The following ADGRL3 variants were observed in gnomAD, a reference collection of about 807,000 sequenced individuals.
ADGRL3 encodes calcium-independent alpha-latrotoxin receptor 3.
In ADGRL3, 62 loss-of-function variants were observed where a neutral mutation model predicts 153.5. That is an observed-to-expected ratio of 0.40 (90% CI 0.33 to 0.50). The LOEUF is 0.50. ADGRL3 is among the 20% of genes least tolerant of loss of function. The pLI is 0.47. For synonymous variants in ADGRL3, 710 were observed against 672.5 expected (o/e 1.06, Z -0.86); for missense variants, 1,641 against 1,859.4 (o/e 0.88, Z 2.16).
chr4:61,560,207 G>A (rs1282155583), intron 4 of ADGRL3, among the ~76,000 whole-genome samples: 3 of 152,040 alleles, frequency 2.0e-5, no homozygotes, highest in East Asian at 3.9e-4. Context: ...GAAACTAGGG[G>A]AACTGCTGAG....
intron 18 of ADGRL3, 84 bp from the exon 19 acceptor site, chr4:61,983,299 G>A (rs1334980137): frequency 3.0e-6 from 3 of 1,015,654 alleles, no homozygotes; most frequent in Non-Finnish European, 4.4e-6. Flanking sequence ...TGCAGTTTTG[G>A]TAAATATTTA....
chr4:61,602,776 A>G (rs2099017112), intron 5 of ADGRL3, among the ~76,000 whole-genome samples: 1 of 152,222 alleles, frequency 6.6e-6, no homozygotes, highest in Admixed American at 6.5e-5. Context: ...CAGAACAATC[A>G]CAAAACAGTT....
At chr4:62,013,951 C>A (rs1269840731) in intron 21 of ADGRL3, among the ~76,000 whole-genome samples, 1 of 150,976 alleles carries the variant, frequency 6.6e-6, no homozygotes, top group Non-Finnish European at 1.5e-5. Flanking sequence ...TCAGCTACTT[C>A]AATATGTGTG....
rs1424870227 is a variant in ADGRL3, at chr4:61,694,175, CATTATTTTTTTTTTTTTTTTTT to C, written c.583+17241_583+17262del. On this transcript the variant is annotated intron_variant, in intron 6 of 26. Coordinates refer to ENST00000683033, the MANE Select transcript of ADGRL3 (RefSeq NM_001387552.1). ...GTCCTATACTATTTTAAAATTTTGT[CATTATTTTTTTTTTTTTTTTTT>C]TTTTTTTTTTTTTTTTTTTTTTAGA... Among the ~76,000 whole-genome samples the C allele has an allele frequency of 2.3e-4, 12 of 51,830 alleles. No homozygotes were observed. In the South Asian group the frequency reaches 3.7e-3, roughly 16 times the overall value. 34.0% of individuals were successfully genotyped at this position (51,830 alleles called of 152,430 possible).
chr4:61,838,432 T>C (rs2097970878), intron 9 of ADGRL3, among the ~76,000 whole-genome samples: 1 of 152,182 alleles, frequency 6.6e-6, no homozygotes, highest in African/African-American at 2.4e-5. Context: ...GCATTTGCCT[T>C]ATTTAGGATT....
intron 6 of ADGRL3, among the ~76,000 whole-genome samples, chr4:61,705,656 C>T (rs1025903601): frequency 6.6e-6 from 1 of 151,892 alleles, no homozygotes; most frequent in African/African-American, 2.4e-5. Context: ...CACCACCATG[C>T]CCAGCTAATT....
intron 21 of ADGRL3, among the ~76,000 whole-genome samples, chr4:62,019,408 G>T (rs533935783): frequency 6.6e-6 from 1 of 152,132 alleles, no homozygotes; most frequent in African/African-American, 2.4e-5. Flanking sequence ...TCCAATTGAT[G>T]TTAATTCTTA....
chr4:61,491,380 A>G (rs563991580), intron 2 of ADGRL3, among the ~76,000 whole-genome samples: 1 of 152,260 alleles, frequency 6.6e-6, no homozygotes, highest in South Asian at 2.1e-4. Flanking sequence ...TATATTTTCT[A>G]GTTTTACTAA....
chr4:61,891,782 CTG>C (rs1354712772), intron 9 of ADGRL3, among the ~76,000 whole-genome samples: 1 of 152,072 alleles, frequency 6.6e-6, no homozygotes, highest in African/African-American at 2.4e-5. Flanking sequence ...GGTATGCAGT[CTG>C]TGTACAGGAA....
chr4:61,494,294 A>G (rs1305168778), intron 2 of ADGRL3, among the ~76,000 whole-genome samples: 1 of 152,110 alleles, frequency 6.6e-6, no homozygotes, highest in East Asian at 1.9e-4. Flanking sequence ...GTGTATGTGT[A>G]TCTGTATGTG....
intron 1 of ADGRL3, among the ~76,000 whole-genome samples, chr4:61,261,852 A>G (rs2092546694): frequency 6.6e-6 from 1 of 152,142 alleles, no homozygotes. Flanking sequence ...CCATGAAAAG[A>G]GTGAGGATAA....
At chr4:62,047,438 G>A (rs898741732) in intron 25 of ADGRL3, among the ~76,000 whole-genome samples, 1 of 152,008 alleles carries the variant, frequency 6.6e-6, no homozygotes, top group African/African-American at 2.4e-5. Flanking sequence ...ATCATGCAGT[G>A]TAGAACTACT....
intron 2 of ADGRL3, among the ~76,000 whole-genome samples, chr4:61,455,270 C>T (rs1226604236): frequency 2.6e-5 from 4 of 151,996 alleles, no homozygotes; most frequent in Admixed American, 6.6e-5. Flanking sequence ...GGAATAGCAT[C>T]GAAGCAGTAT....
At chr4:62,067,784 C>G (rs1314587564) in intron 25 of ADGRL3, among the ~76,000 whole-genome samples, 2 of 151,982 alleles carry the variant, frequency 1.3e-5, no homozygotes, top group Admixed American at 1.3e-4. Flanking sequence ...CACGTATACT[C>G]TAACATACAC....
chr4:61,963,294 A>T (rs185060232), intron 17 of ADGRL3, among the ~76,000 whole-genome samples: 1 of 150,916 alleles, frequency 6.6e-6, no homozygotes. Context: ...CAGGGGATAC[A>T]TGTGCAGGTT....
chr4:61,838,053 A>G (rs2097963415), intron 9 of ADGRL3, among the ~76,000 whole-genome samples: 1 of 152,104 alleles, frequency 6.6e-6, no homozygotes, highest in Non-Finnish European at 1.5e-5. Context: ...GAGCAAAAAA[A>G]AGAAAGAGAA....
At chr4:61,241,405 A>G (rs1560378482) in intron 1 of ADGRL3, among the ~76,000 whole-genome samples, 1 of 152,070 alleles carries the variant, frequency 6.6e-6, no homozygotes, top group Non-Finnish European at 1.5e-5. Flanking sequence ...ATTGGGCACC[A>G]TGTAGATTCT....
intron 3 of ADGRL3, among the ~76,000 whole-genome samples, chr4:61,498,919 G>A (rs2098352147): frequency 1.3e-5 from 2 of 152,058 alleles, no homozygotes; most frequent in African/African-American, 4.8e-5. Context: ...AGATGAAAAT[G>A]TTGTAATATA....
intron 25 of ADGRL3, among the ~76,000 whole-genome samples, chr4:62,059,228 A>G (rs1211562413): frequency 1.3e-5 from 2 of 151,918 alleles, no homozygotes; most frequent in Non-Finnish European, 2.9e-5. Context: ...AGGTGGTTCA[A>G]ATGAGGGATA....
Sources: allele counts gnomAD v4.1 joint callset (sites outside exome capture counted in the v4.1 genomes callset), GRCh38; gene constraint gnomAD v4.1.1; transcripts MANE v1.5; gene names NCBI Gene and HGNC (gene_info 2026-07-23, HGNC 2026-07-21).